Variants in DYNC2H1 observed in about 807,000 individuals in gnomAD.
DYNC2H1 encodes the protein dynein cytoplasmic 2 heavy chain 1.
In DYNC2H1, 410 loss-of-function variants were observed where a neutral mutation model predicts 570.0. The observed-to-expected ratio is 0.72, with a 90% CI of 0.66 to 0.78. DYNC2H1 has a LOEUF of 0.78. DYNC2H1 is among the 30% of genes least tolerant of loss of function. The probability of loss-of-function intolerance (pLI) is 0.00; values close to 1 mark genes in which losing one functional copy is unlikely to be tolerated. For missense variants in DYNC2H1, 4,865 were observed against 5,046.4 expected, an observed-to-expected ratio of 0.96 and a Z score of 1.09; for synonymous variants, 1,688 against 1,677.6, an observed-to-expected ratio of 1.01 and a Z score of -0.15.
intron 85 of DYNC2H1, among the ~76,000 whole-genome samples, chr11:103,438,555 A>G (rs1418321143): frequency 6.6e-6 from 1 of 152,104 alleles, no homozygotes; most frequent in African/African-American, 2.4e-5. Flanking sequence ...GCTATAGTTT[A>G]AGATTTTAGG....
At chr11:103,115,386 A>G in intron 4 of DYNC2H1, 91 bp downstream of exon 4, 1 of 766,690 alleles carries the variant, frequency 1.3e-6, no homozygotes, top group East Asian at 2.8e-5. Flanking sequence ...TTTAAAATGT[A>G]CTTGATGATT....
chr11:103,202,691 T>C (rs1335117483), intron 50 of DYNC2H1, among the ~76,000 whole-genome samples: 1 of 152,124 alleles, frequency 6.6e-6, no homozygotes, highest in Non-Finnish European at 1.5e-5. Flanking sequence ...TGATGGGCCT[T>C]ATATGAATGC....
At chr11:103,302,011 A>G (rs1253398774) in intron 75 of DYNC2H1, among the ~76,000 whole-genome samples, 1 of 152,046 alleles carries the variant, frequency 6.6e-6, no homozygotes, top group East Asian at 1.9e-4. Flanking sequence ...TTATTAATTG[A>G]CATGAGCCTT....
chr11:103,399,502 G>C (rs938123450), intron 83 of DYNC2H1, among the ~76,000 whole-genome samples, 161 bp from the exon 84 acceptor site: 5 of 151,828 alleles, frequency 3.3e-5, no homozygotes. Flanking sequence ...CCCTTCCTGT[G>C]TATTTGCTGA....
intron 55 of DYNC2H1, among the ~76,000 whole-genome samples, chr11:103,218,907 C>T (rs887226477): frequency 7.9e-5 from 12 of 152,150 alleles, no homozygotes; most frequent in African/African-American, 2.9e-4. Flanking sequence ...AGCTTAAATA[C>T]CAAGTTGTGT....
intron 63 of DYNC2H1, among the ~76,000 whole-genome samples, chr11:103,237,594 G>A (rs1482659534): frequency 2.0e-5 from 3 of 151,802 alleles, no homozygotes; most frequent in African/African-American, 7.3e-5. Context: ...TCACAAATAT[G>A]AAACTCTAAA....
intron 80 of DYNC2H1, among the ~76,000 whole-genome samples, chr11:103,320,041 C>CTAGT (rs1938084409): frequency 6.6e-6 from 1 of 152,102 alleles, no homozygotes; most frequent in African/African-American, 2.4e-5. Context: ...TGAAATGGAA[C>CTAGT]TATGCTAGTA....
intron 84 of DYNC2H1, among the ~76,000 whole-genome samples, chr11:103,434,529 T>C (rs1403330359): frequency 6.6e-6 from 1 of 151,962 alleles, no homozygotes; most frequent in Non-Finnish European, 1.5e-5. Context: ...TCCCTCCAGC[T>C]TCAGCCCATC....
chr11:103,407,705 A>G (rs980028108), intron 84 of DYNC2H1: 19 of 152,038 alleles, frequency 1.2e-4, no homozygotes, highest in Admixed American at 9.9e-4. Context: ...ATATTCATAT[A>G]TTATGCTATA....
intron 78 of DYNC2H1, among the ~76,000 whole-genome samples, chr11:103,309,590 G>T (rs1591555936): frequency 6.6e-6 from 1 of 151,144 alleles, no homozygotes; most frequent in Admixed American, 6.6e-5. Flanking sequence ...ATCCAGAAAT[G>T]CAAAGATGAT....
At position 103,369,771 on chromosome 11, in the gene DYNC2H1, T is replaced by G. The variant is rs1222743433; in HGVS notation, c.12156+11412T>G. Among the ~76,000 whole-genome samples, 1 of 152,152 alleles carries G rather than the reference T, an allele frequency of 6.6e-6. No individual in the cohort carries two copies. Among genetic ancestry groups the G allele is most frequent in the East Asian group, 1.9e-4 (1 of 5,190 alleles). On this transcript the variant is annotated intron_variant, in intron 83 of 88. Coordinates refer to ENST00000375735, the MANE Select transcript of DYNC2H1 (RefSeq NM_001377.3). The surrounding 1 kb of genome is among the most constrained non-coding windows in gnomAD (Gnocchi z 4.0). Reference sequence around the variant, plus strand: ...CCCAATCCTGGCAAGATTCATCACCTGCTAACTGAAGATCCCTTGTGCCCT... The same window carrying G: ...CCCAATCCTGGCAAGATTCATCACCGGCTAACTGAAGATCCCTTGTGCCCT...
chr11:103,120,346 C>T (rs1348437561), intron 6 of DYNC2H1, 101 bp from the exon 7 acceptor site: 3 of 1,150,310 alleles, frequency 2.6e-6, no homozygotes, highest in South Asian at 2.2e-5. Context: ...TTTAGTAAAC[C>T]TAATTTAAAG....
rs1000725782 is a variant in DYNC2H1, at chr11:103,300,800, A to C, written c.11096-2293A>C. Among the ~76,000 whole-genome samples the C allele has an allele frequency of 2.0e-5, 3 of 152,112 alleles. No homozygotes were observed. The South Asian group carries it at 6.2e-4, about 31-fold the overall frequency. On this transcript the variant is annotated intron_variant, in intron 75 of 88. Coordinates refer to ENST00000375735, the MANE Select transcript of DYNC2H1 (RefSeq NM_001377.3). ...TGCCCTCATGAAGTTTACAGTGTAC[A>C]TTGGTTAAATAAACAAGTGGTATGG...
At chr11:103,331,761 AT>A (rs1156364307) in intron 82 of DYNC2H1, among the ~76,000 whole-genome samples, 1 of 152,176 alleles carries the variant, frequency 6.6e-6, no homozygotes, top group Non-Finnish European at 1.5e-5. Context: ...TACAATTTTT[AT>A]GTTAAAAGTT....
intron 75 of DYNC2H1, among the ~76,000 whole-genome samples, chr11:103,296,180 G>T (rs1866816078): frequency 6.6e-6 from 1 of 152,138 alleles, no homozygotes; most frequent in Admixed American, 6.6e-5. Flanking sequence ...TCACTCACTA[G>T]ATTTTTTGGT....
At chr11:103,309,281 C>A (rs542920825) in intron 78 of DYNC2H1, among the ~76,000 whole-genome samples, 1 of 145,670 alleles carries the variant, frequency 6.9e-6, no homozygotes, top group African/African-American at 2.5e-5. Flanking sequence ...CTCAAGCAAT[C>A]CTCCCACCTC....
intron 17 of DYNC2H1, among the ~76,000 whole-genome samples, chr11:103,141,326 A>G (rs939943269): frequency 1.2e-4 from 18 of 151,148 alleles, no homozygotes; most frequent in African/African-American, 3.9e-4. Flanking sequence ...TTTTTTCCCC[A>G]TGTGGTTTTA....
At chr11:103,336,835 T>C (rs558867310) in intron 82 of DYNC2H1, among the ~76,000 whole-genome samples, 37 of 152,268 alleles carry the variant, frequency 2.4e-4, no homozygotes, top group African/African-American at 8.9e-4. Flanking sequence ...AGCAGTGAGA[T>C]TGCTGGTAAT....
In DYNC2H1 at chr11:103,275,002, G is replaced by T. The variant is rs1205327974; in HGVS notation, c.10696-5346G>T. On this transcript the variant is annotated intron_variant, in intron 70 of 88. Transcript: ENST00000375735. This position sits in a 1 kb window ranked among gnomAD's most constrained non-coding sequence, Gnocchi z 4.8. ...CCCAACTACTGGGAGGCTGAGGCGGGAGAATCACTTGAACCTGGGAGGTGG... is the reference window on the plus strand; with the variant it reads ...CCCAACTACTGGGAGGCTGAGGCGGTAGAATCACTTGAACCTGGGAGGTGG... Among the ~76,000 whole-genome samples, 3 of 152,142 alleles carry T rather than the reference G, an allele frequency of 2.0e-5. No homozygotes were observed. Among genetic ancestry groups the T allele is most frequent in the Admixed American group, 2.0e-4 (3 of 15,284 alleles).
Sources: gnomAD v4.1 joint callset for allele counts (sites outside exome capture counted in the v4.1 genomes callset) on GRCh38, gnomAD v4.1.1 for gene constraint, Gnocchi (gnomAD v3.1) non-coding constraint, MANE v1.5 for transcripts, NCBI Gene and HGNC (gene_info 2026-07-23, HGNC 2026-07-21) for gene names.